The following PNKD variants were observed in gnomAD, a reference collection of about 807,000 sequenced individuals.
PNKD encodes the protein probable thioesterase PNKD.
Under a neutral mutation model 45.3 loss-of-function variants are expected in PNKD, and 36 were observed. The observed-to-expected ratio is 0.80, with a 90% confidence interval of 0.61 to 1.05. The LOEUF (loss-of-function observed/expected upper bound fraction) is 1.05. Among genes scored for constraint, PNKD ranks in the 50% least tolerant of loss-of-function variants. The pLI is 0.00. For missense variants in PNKD, 511 were observed against 506.6 expected (o/e 1.01, Z -0.08); for synonymous variants, 197 against 210.1 (o/e 0.94, Z 0.54).
intron 2 of PNKD, among the ~76,000 whole-genome samples, chr2:218,321,651 G>A (rs1397034021): frequency 0.015 from 5 of 326 alleles, no homozygotes; most frequent in Admixed American, 0.045. Flanking sequence ...TTTTTGAGAC[G>A]GAGTCTCACC....
intron 2 of PNKD, among the ~76,000 whole-genome samples, chr2:218,289,610 C>A (rs1692793605): frequency 8.0e-6 from 1 of 125,424 alleles, no homozygotes; most frequent in African/African-American, 3.0e-5. Context: ...CCACTGCACT[C>A]CAGCCTGGGC....
intron 2 of PNKD, among the ~76,000 whole-genome samples, chr2:218,306,273 G>T (rs937121049): frequency 6.6e-6 from 1 of 152,188 alleles, no homozygotes; most frequent in African/African-American, 2.4e-5. Flanking sequence ...CTGATGGCTA[G>T]GGGCTGCAGG....
At chr2:218,332,511 C>T (rs1241768069) in intron 2 of PNKD, among the ~76,000 whole-genome samples, 1 of 152,114 alleles carries the variant, frequency 6.6e-6, no homozygotes, top group Non-Finnish European at 1.5e-5. Context: ...CTGGGGAGAG[C>T]CACTAGGTCC....
chr2:218,275,745 G>T, intron 2 of PNKD: 1 of 1,200,026 alleles, frequency 8.3e-7, no homozygotes. Flanking sequence ...TTAACGCACA[G>T]CATAACATAT....
Position 218,310,843 on chromosome 2 carries a change from C to T in PNKD, c.237-28940C>T, listed in dbSNP as rs558009793. On this transcript the variant is annotated intron_variant, in intron 2 of 9. Coordinates refer to ENST00000273077, the MANE Select transcript of PNKD (RefSeq NM_015488.5). The stretch of plus-strand genomic sequence containing the variant: ...CTGACCTCAGGTGATCTGCCCGCCT[C>T]GGCTTCCAAAAGTGCTGGGATTACA... Among the ~76,000 whole-genome samples, 28 of 152,176 alleles carry T rather than the reference C, an allele frequency of 1.8e-4. No homozygotes were observed. In the East Asian group the frequency reaches 3.7e-3, roughly 20 times the overall value.
At chr2:218,334,932 T>C (rs1220910575) in intron 2 of PNKD, among the ~76,000 whole-genome samples, 1 of 152,076 alleles carries the variant, frequency 6.6e-6, no homozygotes, top group Non-Finnish European at 1.5e-5. Flanking sequence ...TGCTCTTGTG[T>C]GTTAGAAACT....
In PNKD at chr2:218,342,028, G is replaced by A. The variant is rs777574834; in HGVS notation, c.665G>A (p.Arg222Gln). Residue 222 changes from arginine to glutamine, a missense_variant, in exon 7 of 10, where the codon CGG (arginine) becomes CAG (glutamine). Coordinates refer to ENST00000273077, the MANE Select transcript of PNKD (RefSeq NM_015488.5). ...GTCAGCGTGGGACGGCTTCAGATCC[G>A]GGCCCTGGCTACACCTGGCCACACA... ...DVVSVGRLQI[R>Q]ALATPGHTQG... 4.0e-5 allele frequency: 65 copies of A among 1,613,298 alleles called. No individual in the cohort carries two copies. The highest frequency in any genetic ancestry group is 1.6e-4 in the Middle Eastern group (1 of 6,082).
chr2:218,293,580 CTTT>C (rs34887009), intron 2 of PNKD, among the ~76,000 whole-genome samples: 1 of 98,688 alleles, frequency 1.0e-5, no homozygotes, highest in Non-Finnish European at 1.9e-5. Flanking sequence ...ACTGAATGTC[CTTT>C]TTTTTTTTTT....
At chr2:218,297,859 G>T (rs1181489059) in intron 2 of PNKD, among the ~76,000 whole-genome samples, 1 of 151,322 alleles carries the variant, frequency 6.6e-6, no homozygotes, top group African/African-American at 2.4e-5. Flanking sequence ...TTAGCTGGAC[G>T]TGATGGCAGG....
intron 2 of PNKD, among the ~76,000 whole-genome samples, chr2:218,321,623 CTTTTT>C (rs35315674): frequency 2.5e-3 from 232 of 93,846 alleles, no homozygotes; most frequent in African/African-American, 9.1e-3. Flanking sequence ...GTGAGCTTGA[CTTTTT>C]TTTTTTTTTT....
chr2:218,336,333 CTAAG>C (rs1326420749), intron 2 of PNKD, among the ~76,000 whole-genome samples: 1 of 151,350 alleles, frequency 6.6e-6, no homozygotes, highest in African/African-American at 2.4e-5. Flanking sequence ...TAATGTCATT[CTAAG>C]TAAGAAGCAT....
chr2:218,276,833 A>G (rs1691264242), intron 2 of PNKD, among the ~76,000 whole-genome samples: 1 of 152,056 alleles, frequency 6.6e-6, no homozygotes, highest in African/African-American at 2.4e-5. Context: ...CAGAGAGTCT[A>G]CCCTCACCCA....
chr2:218,322,572 C>A (rs1244991391), intron 2 of PNKD, among the ~76,000 whole-genome samples: 1 of 152,198 alleles, frequency 6.6e-6, no homozygotes, highest in East Asian at 1.9e-4. Flanking sequence ...GGACTTATGT[C>A]GTCCGCTGGG....
chr2:218,318,437 G>A (rs887331544), intron 2 of PNKD, among the ~76,000 whole-genome samples: 5 of 152,170 alleles, frequency 3.3e-5, no homozygotes, highest in Non-Finnish European at 7.3e-5. Context: ...AGCGCCTGCC[G>A]CCACCAGGCT....
chr2:218,277,318 T>A (rs776672483), intron 2 of PNKD: 3 of 1,570,216 alleles, frequency 1.9e-6, no homozygotes, highest in South Asian at 1.1e-5. Flanking sequence ...CCGGGCCTGA[T>A]AAGAAAGGGG....
At chr2:218,330,276 CT>C (rs1258435015) in intron 2 of PNKD, among the ~76,000 whole-genome samples, 2 of 152,178 alleles carry the variant, frequency 1.3e-5, no homozygotes, top group Non-Finnish European at 2.9e-5. Context: ...GCTTGAAAAC[CT>C]TCAGGCTTCT....
intron 2 of PNKD, among the ~76,000 whole-genome samples, chr2:218,335,556 C>A (rs981780029): frequency 1.3e-5 from 2 of 151,372 alleles, no homozygotes; most frequent in Non-Finnish European, 2.9e-5. Flanking sequence ...TTGCCTTGCT[C>A]AGTGTGTGTT....
At chr2:218,307,118 T>C (rs1693433553) in intron 2 of PNKD, among the ~76,000 whole-genome samples, 1 of 151,972 alleles carries the variant, frequency 6.6e-6, no homozygotes, top group South Asian at 2.1e-4. Context: ...TGGGGTCACA[T>C]GAGGATGAGG....
At position 218,341,575 on chromosome 2, in the gene PNKD, G is replaced by A. The variant is rs199987826; in HGVS notation, c.566G>A (p.Arg189Gln). ...AACCGTGACCTCAGCCGGCGGCACC[G>A]GGACTGTCGGGTGTACGGGAGCCCT... The part of the protein sequence containing the change: ...GGNRDLSRRH[R>Q]DCRVYGSPQD... The change falls in exon 6 of 10, where the codon CGG becomes CAG. Residue 189 changes from arginine to glutamine, a missense_variant. Coordinates refer to ENST00000273077, the MANE Select transcript of PNKD (RefSeq NM_015488.5). 54 of 1,599,522 alleles carry A rather than the reference G, an allele frequency of 3.4e-5. No homozygotes were observed. In the Admixed American group the frequency reaches 5.1e-4, roughly 15 times the overall value.
Sources: allele counts gnomAD v4.1 joint callset (sites outside exome capture counted in the v4.1 genomes callset), GRCh38; gene constraint gnomAD v4.1.1; transcripts MANE v1.5; gene names NCBI Gene and HGNC (gene_info 2026-07-23, HGNC 2026-07-21).